NRXN1: variants seen among roughly 807,000 people sequenced by gnomAD.
NRXN1 encodes neurexin 1, also known as neurexin-1.
Under a neutral mutation model 150.9 loss-of-function variants are expected in NRXN1, and 39 were observed. The observed-to-expected ratio is 0.26, with a 90% confidence interval of 0.20 to 0.34. The LOEUF is 0.34. NRXN1 is among the 10% of genes least tolerant of loss of function. The pLI, the probability that NRXN1 is intolerant of heterozygous loss-of-function variation, is 1.00. For synonymous variants in NRXN1, 924 were observed against 757.0 expected (o/e 1.22, Z -3.62); for missense variants, 1,815 against 1,949.9 (o/e 0.93, Z 1.30).
intron 21 of NRXN1, among the ~76,000 whole-genome samples, chr2:50,043,631 G>A (rs759308967): frequency 6.6e-6 from 1 of 152,018 alleles, no homozygotes; most frequent in Non-Finnish European, 1.5e-5. Flanking sequence ...ACATACTCAG[G>A]GACAGCTGAT....
At chr2:50,204,942 A>G (rs886652760) in intron 18 of NRXN1, among the ~76,000 whole-genome samples, 1 of 152,056 alleles carries the variant, frequency 6.6e-6, no homozygotes, top group Non-Finnish European at 1.5e-5. Context: ...TCTATTAGAC[A>G]CTTATGCTTG....
chr2:50,359,846 G>T (rs1229572471), intron 17 of NRXN1, among the ~76,000 whole-genome samples: 2 of 152,050 alleles, frequency 1.3e-5, no homozygotes, highest in Non-Finnish European at 2.9e-5. Flanking sequence ...AATGTCAAGG[G>T]CACGCAGAGA....
intron 15 of NRXN1, among the ~76,000 whole-genome samples, chr2:50,481,189 T>C (rs1042999237): frequency 2.6e-5 from 4 of 152,216 alleles, no homozygotes; most frequent in Admixed American, 2.0e-4. Context: ...ATGTACACCC[T>C]GTACACTCTA....
chr2:50,063,547 GACACACACAC>G (rs3046664), intron 19 of NRXN1, among the ~76,000 whole-genome samples: 34 of 137,516 alleles, frequency 2.5e-4, no homozygotes, highest in African/African-American at 6.2e-4. Context: ...CACCTCAACA[GACACACACAC>G]ACACACACAC....
At position 51,017,502 on chromosome 2, in the gene NRXN1, G is replaced by GGTT. The variant is rs1280436877; in HGVS notation, c.772+9999_772+10000insAAC. On this transcript the variant is annotated intron_variant, in intron 2 of 22. Coordinates refer to ENST00000401669, the MANE Select transcript of NRXN1 (RefSeq NM_001330078.2). ...AATACACGTATGGCCACCACATCTG[G>GGTT]CTTTTTTTTTTTTTTTTTTTTTTTT... 1.9e-4 allele frequency among the ~76,000 whole-genome samples: 14 copies of GGTT among 72,912 alleles called. 1 individual carries two copies. The highest frequency in any genetic ancestry group is 5.4e-4 in the South Asian group (1 of 1,860). 47.8% of individuals were successfully genotyped at this position (72,912 alleles called of 152,430 possible).
chr2:50,174,909 C>T (rs2060257166), intron 18 of NRXN1: 1 of 152,128 alleles, frequency 6.6e-6, no homozygotes, highest in Admixed American at 6.6e-5. Flanking sequence ...CAGTAACATG[C>T]TATACTTAGC....
At chr2:50,400,586 A>G (rs2082329192) in intron 17 of NRXN1, among the ~76,000 whole-genome samples, 2 of 152,174 alleles carry the variant, frequency 1.3e-5, no homozygotes, top group Admixed American at 6.5e-5. Context: ...GCACTAGACC[A>G]GAAAGTTTCC....
chr2:51,031,658 G>A (rs985593539), intron 1 of NRXN1, among the ~76,000 whole-genome samples: 6 of 152,072 alleles, frequency 3.9e-5, no homozygotes, highest in Admixed American at 3.3e-4. Context: ...GGCACAGTGT[G>A]GGGCTGATGA....
At chr2:50,481,760 C>CTTTTTGTTTTTTT (rs2090474825) in intron 15 of NRXN1, among the ~76,000 whole-genome samples, 1 of 82,958 alleles carries the variant, frequency 1.2e-5, no homozygotes, top group African/African-American at 5.8e-5. Context: ...ACTTTTGTTT[C>CTTTTTGTTTTTTT]TTTTTTTTTT....
chr2:50,577,094 G>C (rs965299881), intron 8 of NRXN1, among the ~76,000 whole-genome samples: 1 of 151,928 alleles, frequency 6.6e-6, no homozygotes, highest in Non-Finnish European at 1.5e-5. Context: ...CCATTATTAC[G>C]TTTTCAAATC....
chr2:50,012,086 AT>A (rs902697463), intron 21 of NRXN1, among the ~76,000 whole-genome samples: 1 of 152,062 alleles, frequency 6.6e-6, no homozygotes, highest in African/African-American at 2.4e-5. Flanking sequence ...AGTATTCTGG[AT>A]TTTCCCCCCA....
At chr2:50,902,361 C>T (rs1176558551) in intron 5 of NRXN1, among the ~76,000 whole-genome samples, 1 of 147,334 alleles carries the variant, frequency 6.8e-6, no homozygotes, top group Non-Finnish European at 1.5e-5. Flanking sequence ...AGAAGAAGAA[C>T]AAAAACAAGT....
chr2:50,891,436 G>T (rs959666239), intron 5 of NRXN1, among the ~76,000 whole-genome samples: 26 of 151,950 alleles, frequency 1.7e-4, no homozygotes, highest in Admixed American at 1.4e-3. Context: ...AAATGGAATT[G>T]TTCTGTTTAT....
At chr2:50,702,049 T>C (rs1013850072) in intron 5 of NRXN1, among the ~76,000 whole-genome samples, 11 of 152,140 alleles carry the variant, frequency 7.2e-5, no homozygotes, top group East Asian at 1.9e-4. Context: ...ACTCCTTTAA[T>C]TGGGTTTCCA....
chr2:50,188,661 T>C (rs761137897), intron 18 of NRXN1, among the ~76,000 whole-genome samples: 1 of 151,912 alleles, frequency 6.6e-6, no homozygotes, highest in East Asian at 1.9e-4. Context: ...TACAAGGAAC[T>C]TAAACAAATT....
chr2:50,193,660 C>T (rs1039545889), intron 18 of NRXN1, among the ~76,000 whole-genome samples: 5 of 152,072 alleles, frequency 3.3e-5, no homozygotes, highest in Non-Finnish European at 7.4e-5. Context: ...AACTACCTTT[C>T]ATATATTAAG....
chr2:50,656,006 G>A (rs778428764), intron 5 of NRXN1, among the ~76,000 whole-genome samples: 1 of 151,960 alleles, frequency 6.6e-6, no homozygotes, highest in African/African-American at 2.4e-5. Flanking sequence ...GCTTCAGAAA[G>A]CTTAGGTAAA....
chr2:50,085,528 A>G (rs1573824164), intron 19 of NRXN1, among the ~76,000 whole-genome samples: 1 of 152,280 alleles, frequency 6.6e-6, no homozygotes, highest in Non-Finnish European at 1.5e-5. Flanking sequence ...TAAGTATTCT[A>G]ATGTTCTAAT....
chr2:50,869,400 A>C (rs2106087517), intron 5 of NRXN1, among the ~76,000 whole-genome samples: 1 of 151,858 alleles, frequency 6.6e-6, no homozygotes, highest in Admixed American at 6.6e-5. Flanking sequence ...CCTTAGAAAC[A>C]ATTTGGAAGA....
Sources: allele counts gnomAD v4.1 joint callset (sites outside exome capture counted in the v4.1 genomes callset), GRCh38; gene constraint gnomAD v4.1.1; transcripts MANE v1.5; gene names NCBI Gene and HGNC (gene_info 2026-07-23, HGNC 2026-07-21).